Variants in FRS2 observed in about 807,000 individuals in gnomAD.
The protein encoded by FRS2 is FGFR signalling adaptor.
In FRS2, 8 loss-of-function variants were observed where a neutral mutation model predicts 43.9. The ratio of observed to expected loss-of-function variants is 0.18; its 90% CI spans 0.11 to 0.33. FRS2 has a LOEUF of 0.33. Ranked by LOEUF, FRS2 falls within the 10% of genes least tolerant of loss-of-function variation. FRS2 has a pLI of 1.00. For missense variants in FRS2, 534 were observed against 627.6 expected, an observed-to-expected ratio of 0.85 and a Z score of 1.59; for synonymous variants, 219 against 220.3, an observed-to-expected ratio of 0.99 and a Z score of 0.05.
chr12:69,555,077 C>T (rs1879223460), intron 3 of FRS2, among the ~76,000 whole-genome samples: 1 of 151,580 alleles, frequency 6.6e-6, no homozygotes, highest in Non-Finnish European at 1.5e-5. Context: ...GACGGAGTCT[C>T]ACTGTCACCC....
chr12:69,523,862 G>T (rs1470672523), intron 1 of FRS2, among the ~76,000 whole-genome samples: 1 of 152,132 alleles, frequency 6.6e-6, no homozygotes, highest in Non-Finnish European at 1.5e-5. Context: ...AAATTCCAGT[G>T]CTCCAGGAAC....
chr12:69,545,773 A>AC (rs1555190611), intron 3 of FRS2, among the ~76,000 whole-genome samples: 60 of 142,020 alleles, frequency 4.2e-4, no homozygotes, highest in African/African-American at 9.5e-4. Context: ...AAAAAAAAAA[A>AC]AAAAACAAAA....
At position 69,500,142 on chromosome 12, in the gene FRS2, C is replaced by T. The variant is rs12227511; in HGVS notation, c.-261+29612C>T. Among the ~76,000 whole-genome samples, 5,407 of 152,014 alleles carry T rather than the reference C, an allele frequency of 0.036. 443 individuals carry two copies. The East Asian group carries it at 0.38, about 11-fold the overall frequency. Reference sequence around the variant, plus strand: ...GGCAATGGCAACATTAAAATAACAACGAAATAATGGTATTAACTTTTAGAT... The same window carrying T: ...GGCAATGGCAACATTAAAATAACAATGAAATAATGGTATTAACTTTTAGAT... On this transcript the variant is annotated intron_variant, in intron 1 of 8. Transcript: ENST00000549921.
chr12:69,561,726 T>C (rs1473722652), intron 3 of FRS2, among the ~76,000 whole-genome samples: 1 of 152,204 alleles, frequency 6.6e-6, no homozygotes, highest in East Asian at 1.9e-4. Context: ...GGATGGATTT[T>C]GAAGACAGTC....
chr12:69,539,906 G>A (rs954233707), intron 3 of FRS2, among the ~76,000 whole-genome samples: 1 of 152,092 alleles, frequency 6.6e-6, no homozygotes, highest in African/African-American at 2.4e-5. Flanking sequence ...AGTGAGCCGA[G>A]ATTGTGCCAC....
intron 8 of FRS2, among the ~76,000 whole-genome samples, chr12:69,573,314 T>G (rs1387191563): frequency 6.6e-6 from 1 of 152,206 alleles, no homozygotes; most frequent in African/African-American, 2.4e-5. Flanking sequence ...CTTATCTCTT[T>G]TCAAAGTCGT....
chr12:69,563,293 T>C (rs552407506), intron 4 of FRS2, among the ~76,000 whole-genome samples: 1 of 152,244 alleles, frequency 6.6e-6, no homozygotes, highest in African/African-American at 2.4e-5. Flanking sequence ...GGATGAAAAC[T>C]TCACATTAAA....
chr12:69,559,439 A>T (rs543207704), intron 3 of FRS2, among the ~76,000 whole-genome samples: 45 of 152,236 alleles, frequency 3.0e-4, no homozygotes, highest in African/African-American at 8.4e-4. Flanking sequence ...CAGTTCATCA[A>T]CATTGCCCTC....
At chr12:69,547,279 A>G (rs1878491099) in intron 3 of FRS2, among the ~76,000 whole-genome samples, 1 of 152,128 alleles carries the variant, frequency 6.6e-6, no homozygotes, top group African/African-American at 2.4e-5. Context: ...TAGGCAACAT[A>G]GTGAGACCTC....
intron 3 of FRS2, among the ~76,000 whole-genome samples, chr12:69,553,444 A>C (rs905097063): frequency 6.6e-6 from 1 of 152,214 alleles, no homozygotes; most frequent in East Asian, 1.9e-4. Context: ...GAAATTTCTT[A>C]TCAAAATGTA....
At chr12:69,507,057 A>G (rs937082149) in intron 1 of FRS2, among the ~76,000 whole-genome samples, 44 of 152,220 alleles carry the variant, frequency 2.9e-4, no homozygotes, top group African/African-American at 9.7e-4. Context: ...CTCTCACCAA[A>G]TGCGGTCCCT....
intron 1 of FRS2, among the ~76,000 whole-genome samples, chr12:69,498,591 G>C (rs1215295179): frequency 6.9e-6 from 1 of 145,480 alleles, no homozygotes; most frequent in African/African-American, 2.6e-5. Context: ...TAGCTCATCA[G>C]CTCTTGTTAG....
intron 3 of FRS2, among the ~76,000 whole-genome samples, chr12:69,543,276 G>A (rs1272213888): frequency 6.6e-6 from 1 of 152,178 alleles, no homozygotes; most frequent in Non-Finnish European, 1.5e-5. Flanking sequence ...GCATTTGGTT[G>A]TAGTTTTATT....
chr12:69,522,977 T>TTGC (rs1376548876), intron 1 of FRS2, among the ~76,000 whole-genome samples: 3 of 152,232 alleles, frequency 2.0e-5, no homozygotes, highest in Non-Finnish European at 4.4e-5. Flanking sequence ...TCTTTTGCAT[T>TTGC]TGCTAAGGAT....
At chr12:69,477,539 C>T (rs1040273789) in intron 1 of FRS2, among the ~76,000 whole-genome samples, 1 of 151,230 alleles carries the variant, frequency 6.6e-6, no homozygotes, top group Non-Finnish European at 1.5e-5. Flanking sequence ...GCCTCGGCCT[C>T]CCAAAGTGCT....
intron 1 of FRS2, among the ~76,000 whole-genome samples, chr12:69,512,392 A>C (rs1417436067): frequency 6.6e-6 from 1 of 152,180 alleles, no homozygotes; most frequent in Non-Finnish European, 1.5e-5. Flanking sequence ...TGTAAGACTT[A>C]TTTGTGCAAG....
chr12:69,568,162 A>G (rs1219213240), intron 4 of FRS2, among the ~76,000 whole-genome samples: 1 of 152,148 alleles, frequency 6.6e-6, no homozygotes, highest in East Asian at 1.9e-4. Flanking sequence ...CTAACCTTCT[A>G]TGGGAAAGGA....
At chr12:69,559,666 CT>C (rs1879717838) in intron 3 of FRS2, among the ~76,000 whole-genome samples, 1 of 151,984 alleles carries the variant, frequency 6.6e-6, no homozygotes, top group South Asian at 2.1e-4. Context: ...AGAATCTCCC[CT>C]CCTTAGCTTT....
intron 1 of FRS2, among the ~76,000 whole-genome samples, chr12:69,520,765 A>G (rs556283545): frequency 1.3e-5 from 2 of 152,036 alleles, no homozygotes; most frequent in African/African-American, 2.4e-5. Flanking sequence ...CTTCTGTTCT[A>G]TTGGTCTGTA....
Sources: gnomAD v4.1 joint callset for allele counts (sites outside exome capture counted in the v4.1 genomes callset) on GRCh38, gnomAD v4.1.1 for gene constraint, MANE v1.5 for transcripts, NCBI Gene and HGNC (gene_info 2026-07-23, HGNC 2026-07-21) for gene names.